STON2: variants seen among roughly 807,000 people sequenced by gnomAD.
STON2 encodes stonin-2.
STON2 carries 29 observed loss-of-function variants against 65.7 expected under a neutral mutation model. The observed-to-expected ratio is 0.44, with a 90% confidence interval of 0.33 to 0.60. The LOEUF is 0.60. STON2 is among the 20% of genes least tolerant of loss of function. STON2 has a pLI of 0.03. For missense variants in STON2, 1,054 were observed against 1,118.1 expected (o/e 0.94, Z 0.82); for synonymous variants, 404 against 414.2 (o/e 0.98, Z 0.30).
intron 4 of STON2, among the ~76,000 whole-genome samples, chr14:81,366,663 C>T (rs1321522279): frequency 6.6e-6 from 1 of 152,068 alleles, no homozygotes; most frequent in African/African-American, 2.4e-5. Flanking sequence ...CTCCCCACTG[C>T]ATCTCTGTAT....
chr14:81,385,289 A>G (rs575644504), intron 3 of STON2, among the ~76,000 whole-genome samples: 5 of 152,358 alleles, frequency 3.3e-5, no homozygotes, highest in African/African-American at 1.2e-4. Flanking sequence ...TACTGGAAAG[A>G]GTTATTTTTA....
At chr14:81,428,506 T>C (rs1034505259) in intron 1 of STON2, among the ~76,000 whole-genome samples, 1 of 152,316 alleles carries the variant, frequency 6.6e-6, no homozygotes, top group South Asian at 2.1e-4. Context: ...GTGGGCTGCT[T>C]GAGGCCAGAA....
intron 5 of STON2, among the ~76,000 whole-genome samples, chr14:81,282,182 C>T (rs1895151276): frequency 6.6e-6 from 1 of 152,140 alleles, no homozygotes; most frequent in African/African-American, 2.4e-5. Flanking sequence ...AACCTGAATG[C>T]CCAACAATGG....
At position 81,270,769 on chromosome 14, in the gene STON2, G is replaced by T. The variant is rs1318573629; in HGVS notation, c.2685C>A (p.Pro895=). Residue 895 remains proline, a synonymous_variant, in exon 7 of 8, where the codon CCC becomes CCA. Transcript: ENST00000614646. The part of the protein sequence containing the change: ...ANHVNVEFSM[P]TTSASKASVR... ...CGCTGGCTTTGGAGGCAGAAGTTGT[G>T]GGCATGCTGAACTCGACATTCACGT... 6 of 1,614,036 alleles carry T rather than the reference G, an allele frequency of 3.7e-6. No homozygotes were observed. Among genetic ancestry groups the T allele is most frequent in the Non-Finnish European group, 5.1e-6 (6 of 1,180,024 alleles).
Position 81,365,443 on chromosome 14 carries a change from C to G in STON2, c.571+5545G>C, listed in dbSNP as rs541489408. Among the ~76,000 whole-genome samples the G allele has an allele frequency of 6.6e-5, 10 of 152,322 alleles. No individual in the cohort carries two copies. In the South Asian group the frequency reaches 1.2e-3, roughly 19 times the overall value. On this transcript the variant is annotated intron_variant, in intron 4 of 7. Transcript: ENST00000614646. ...GAGCATTCTAATCCTACACTTAAAT[C>G]TACACTTTTCTTATGCATAAAAGAG...
chr14:81,292,395 C>T (rs1481515024), intron 5 of STON2, among the ~76,000 whole-genome samples: 1 of 152,084 alleles, frequency 6.6e-6, no homozygotes, highest in Non-Finnish European at 1.5e-5. Context: ...TGGCTGTGTC[C>T]CCATCCAAAT....
Position 81,261,868 on chromosome 14 carries a change from T to C in STON2, c.*6546A>G. The C allele has an allele frequency of 6.5e-7, 1 of 1,534,562 alleles. No homozygotes were observed. The highest frequency in any genetic ancestry group is 1.4e-5 in the African/African-American group (1 of 73,006). Reference sequence around the variant, plus strand: ...TTCACCACCCTCTTTGATCCTCTTTTTAAATCTGTGTGTGGAAGGCAACTG... The same window carrying C: ...TTCACCACCCTCTTTGATCCTCTTTCTAAATCTGTGTGTGGAAGGCAACTG... On this transcript the variant is annotated 3_prime_UTR_variant, in exon 8 of 8. Coordinates refer to ENST00000614646, the MANE Select transcript of STON2 (RefSeq NM_001394390.1).
At chr14:81,416,473 G>A (rs1042753588) in intron 2 of STON2, among the ~76,000 whole-genome samples, 6 of 152,208 alleles carry the variant, frequency 3.9e-5, no homozygotes, top group Non-Finnish European at 5.9e-5. Flanking sequence ...GCCTAGAAAT[G>A]AGTAGTGAGA....
At chr14:81,273,674 G>C (rs527245897) in intron 6 of STON2, among the ~76,000 whole-genome samples, 25 of 152,262 alleles carry the variant, frequency 1.6e-4, no homozygotes, top group African/African-American at 6.0e-4. Flanking sequence ...GGAATTCAAA[G>C]GTAGCTGCTT....
intron 3 of STON2, among the ~76,000 whole-genome samples, chr14:81,372,819 C>A (rs1226843100): frequency 6.6e-6 from 1 of 151,898 alleles, no homozygotes; most frequent in African/African-American, 2.4e-5. Context: ...GCCGGGAAAA[C>A]CAAAACAAAT....
chr14:81,323,638 G>A (rs948851857), intron 5 of STON2: 5 of 152,054 alleles, frequency 3.3e-5, no homozygotes, highest in African/African-American at 1.2e-4. Context: ...TGACACTTAA[G>A]CTACATTTCA....
chr14:81,314,075 G>A (rs921189954), intron 5 of STON2, among the ~76,000 whole-genome samples: 4 of 152,334 alleles, frequency 2.6e-5, no homozygotes, highest in Admixed American at 2.0e-4. Flanking sequence ...GTGAAGCAAA[G>A]CCTGTGCTAC....
At chr14:81,392,544 A>T (rs549360419) in intron 3 of STON2, among the ~76,000 whole-genome samples, 16 of 152,312 alleles carry the variant, frequency 1.1e-4, no homozygotes, top group Non-Finnish European at 1.9e-4. Context: ...CAGGTGGGCC[A>T]AGTGTAGCAT....
upstream of STON2, among the ~76,000 whole-genome samples, chr14:81,402,951 G>A (rs915391826): frequency 6.6e-6 from 1 of 152,190 alleles, no homozygotes; most frequent in African/African-American, 2.4e-5. Context: ...ATTCCTGAGA[G>A]CAGGGGTTGC....
chr14:81,287,823 C>T (rs186653664), intron 5 of STON2, among the ~76,000 whole-genome samples: 1 of 152,340 alleles, frequency 6.6e-6, no homozygotes, highest in East Asian at 1.9e-4. Context: ...CTTCCTCTGA[C>T]AACCAACTAT....
At chr14:81,347,902 C>CAAAAAA (rs755109204) in intron 4 of STON2, among the ~76,000 whole-genome samples, 7 of 51,550 alleles carry the variant, frequency 1.4e-4, no homozygotes, top group Admixed American at 5.6e-4. Flanking sequence ...TGTCTCTTAC[C>CAAAAAA]AAAAAAAAAA....
chr14:81,371,697 G>C (rs376134006), intron 3 of STON2, among the ~76,000 whole-genome samples: 1 of 100,750 alleles, frequency 9.9e-6, no homozygotes, highest in Non-Finnish European at 2.1e-5. Flanking sequence ...AAAAAGAAAA[G>C]AAAAGAAAAG....
Position 81,261,618 on chromosome 14 carries a change from T to G in STON2, c.*6796A>C. 2 of 641,376 alleles carry G rather than the reference T, an allele frequency of 3.1e-6. No homozygotes were observed. The highest frequency in any genetic ancestry group is 4.5e-6 in the Non-Finnish European group (2 of 443,246). 39.7% of individuals were successfully genotyped at this position (641,376 alleles called of 1,614,324 possible). On this transcript the variant is annotated 3_prime_UTR_variant, in exon 8 of 8. Transcript: ENST00000614646. The stretch of plus-strand genomic sequence containing the variant: ...ATAGTCCCAGGATGTTTACTGAGTG[T>G]CCTCCTTCAATTTTCACAATATTTT...
chr14:81,313,412 C>A (rs756368930), intron 5 of STON2, among the ~76,000 whole-genome samples: 2 of 152,116 alleles, frequency 1.3e-5, no homozygotes, highest in East Asian at 3.9e-4. Context: ...ATGACTCCTA[C>A]GTGCAGATAC....
Sources: allele counts gnomAD v4.1 joint callset (sites outside exome capture counted in the v4.1 genomes callset), GRCh38; gene constraint gnomAD v4.1.1; transcripts MANE v1.5; gene names NCBI Gene and HGNC (gene_info 2026-07-23, HGNC 2026-07-21).